The following MSRA variants were observed in gnomAD, a reference collection of about 807,000 sequenced individuals.
MSRA encodes the protein mitochondrial peptide methionine sulfoxide reductase.
In MSRA, 54 loss-of-function variants were observed where a neutral mutation model predicts 31.3. The observed-to-expected ratio is 1.73, with a 90% CI of 1.39 to 2.17. The LOEUF (loss-of-function observed/expected upper bound fraction) is 2.17. Ranked by LOEUF, MSRA falls within the 30% of genes most tolerant of loss-of-function variation. The probability of loss-of-function intolerance (pLI) is 0.00; values close to 1 mark genes in which losing one functional copy is unlikely to be tolerated. For synonymous variants in MSRA, 169 were observed against 116.5 expected (o/e 1.45, Z -2.90); for missense variants, 507 against 300.9 (o/e 1.69, Z -5.07).
chr8:10,390,402 G>C (rs774606167), intron 5 of MSRA, among the ~76,000 whole-genome samples: 3 of 152,174 alleles, frequency 2.0e-5, no homozygotes, highest in Non-Finnish European at 2.9e-5. Context: ...CACTGACCTA[G>C]GCTCCATGTC....
At chr8:10,224,553 C>T (rs369990330) in intron 2 of MSRA, among the ~76,000 whole-genome samples, 1 of 152,028 alleles carries the variant, frequency 6.6e-6, no homozygotes, top group Non-Finnish European at 1.5e-5. Context: ...GCAGAGAGGG[C>T]ACACTCTTTA....
At chr8:10,210,966 C>T (rs543434310) in intron 2 of MSRA, among the ~76,000 whole-genome samples, 4 of 151,862 alleles carry the variant, frequency 2.6e-5, no homozygotes, top group Non-Finnish European at 4.4e-5. Context: ...GAACTCCTAA[C>T]CTCAAGAGAT....
chr8:10,316,854 G>A (rs959845486), intron 4 of MSRA, among the ~76,000 whole-genome samples: 3 of 152,088 alleles, frequency 2.0e-5, no homozygotes, highest in Admixed American at 2.0e-4. Context: ...AGGACTTCGG[G>A]ACACCATGGC....
intron 1 of MSRA, among the ~76,000 whole-genome samples, chr8:10,101,244 G>A: frequency 6.6e-6 from 1 of 152,110 alleles, no homozygotes; most frequent in South Asian, 2.1e-4. Context: ...TCCCTCACAC[G>A]ATTTTGGGAG....
chr8:10,143,769 G>A (rs1192372670), intron 1 of MSRA, among the ~76,000 whole-genome samples: 8 of 152,240 alleles, frequency 5.3e-5, no homozygotes, highest in Admixed American at 1.3e-4. Context: ...ACCATTTTGC[G>A]TCACTGCAAA....
At chr8:10,326,917 C>G (rs997242688) in intron 5 of MSRA, among the ~76,000 whole-genome samples, 5 of 152,122 alleles carry the variant, frequency 3.3e-5, no homozygotes, top group African/African-American at 9.7e-5. Context: ...GAATGTGACT[C>G]CAGCTCATTT....
At chr8:10,229,014 A>G (rs1811240364) in intron 2 of MSRA, among the ~76,000 whole-genome samples, 1 of 152,232 alleles carries the variant, frequency 6.6e-6, no homozygotes, top group Non-Finnish European at 1.5e-5. Context: ...AAAAGACGAA[A>G]AAAGATCTTG....
chr8:10,423,478 G>A (rs1563465245), intron 5 of MSRA, among the ~76,000 whole-genome samples: 2 of 152,064 alleles, frequency 1.3e-5, no homozygotes, highest in East Asian at 1.9e-4. Context: ...GCTTGGCCCC[G>A]GTGCCAGGTT....
intron 5 of MSRA, among the ~76,000 whole-genome samples, chr8:10,324,834 C>T (rs2129140670): frequency 6.6e-6 from 1 of 152,306 alleles, no homozygotes; most frequent in Admixed American, 6.5e-5. Flanking sequence ...AATGACTAGG[C>T]ATTCGGGAGA....
intron 5 of MSRA, among the ~76,000 whole-genome samples, chr8:10,390,027 C>G (rs1030386359): frequency 1.3e-5 from 2 of 152,198 alleles, no homozygotes; most frequent in Non-Finnish European, 2.9e-5. Flanking sequence ...TCTGCCTCAC[C>G]CGAGCCCACT....
chr8:10,134,624 G>C (rs1046980607), intron 1 of MSRA, among the ~76,000 whole-genome samples: 1 of 152,202 alleles, frequency 6.6e-6, no homozygotes, highest in African/African-American at 2.4e-5. Context: ...TCATTCTGTG[G>C]ACGGCAGACC....
chr8:10,208,329 A>G (rs916186116), intron 2 of MSRA, among the ~76,000 whole-genome samples: 3 of 152,218 alleles, frequency 2.0e-5, no homozygotes, highest in Admixed American at 2.0e-4. Flanking sequence ...TCCATCATGA[A>G]TTAAGCACGC....
At chr8:10,417,970 G>T (rs561664606) in intron 5 of MSRA, among the ~76,000 whole-genome samples, 6 of 152,218 alleles carry the variant, frequency 3.9e-5, no homozygotes, top group Admixed American at 2.0e-4. Context: ...CGTCCTGCCT[G>T]CGAGTTTTCC....
intron 3 of MSRA, among the ~76,000 whole-genome samples, chr8:10,272,413 A>G (rs1167365194): frequency 6.6e-6 from 1 of 152,208 alleles, no homozygotes; most frequent in Non-Finnish European, 1.5e-5. Flanking sequence ...GTTCAAAGGC[A>G]GGAAAAAAAT....
At chr8:10,084,959 T>A (rs750833238) in intron 1 of MSRA, among the ~76,000 whole-genome samples, 8 of 152,210 alleles carry the variant, frequency 5.3e-5, no homozygotes, top group Non-Finnish European at 1.2e-4. Context: ...CCCTTTATAT[T>A]TAATACAAAA....
intron 1 of MSRA, among the ~76,000 whole-genome samples, chr8:10,182,498 A>G (rs1395384343): frequency 6.6e-6 from 1 of 152,186 alleles, no homozygotes; most frequent in African/African-American, 2.4e-5. Flanking sequence ...TGAAGGCTCA[A>G]CTGGGGAAGG....
chr8:10,105,100 C>G (rs1173916586), intron 1 of MSRA, among the ~76,000 whole-genome samples: 1 of 152,100 alleles, frequency 6.6e-6, no homozygotes, highest in Non-Finnish European at 1.5e-5. Flanking sequence ...TATTCATATG[C>G]TTTGCACAGT....
intron 3 of MSRA, among the ~76,000 whole-genome samples, chr8:10,259,803 T>G (rs1415814042): frequency 6.6e-6 from 1 of 152,192 alleles, no homozygotes; most frequent in African/African-American, 2.4e-5. Context: ...GCTTTGCTTT[T>G]GTAGGCTGGG....
chr8:10,193,429 A>G (rs1463603106), intron 1 of MSRA, among the ~76,000 whole-genome samples: 2 of 152,204 alleles, frequency 1.3e-5, no homozygotes, highest in Non-Finnish European at 2.9e-5. Flanking sequence ...GCAAAGCTCC[A>G]TTCAGTCATT....
Sources: allele counts gnomAD v4.1 joint callset (sites outside exome capture counted in the v4.1 genomes callset), GRCh38; gene constraint gnomAD v4.1.1; transcripts MANE v1.5; gene names NCBI Gene and HGNC (gene_info 2026-07-23, HGNC 2026-07-21).